Variants in R3HDM2 observed in about 807,000 individuals in gnomAD.
R3HDM2 encodes the protein R3H domain-containing protein 2.
A neutral mutation model predicts 124.5 loss-of-function variants in R3HDM2; 38 were observed. The ratio of observed to expected loss-of-function variants is 0.31; its 90% confidence interval spans 0.24 to 0.40. The LOEUF is 0.40. R3HDM2 is among the 10% of genes least tolerant of loss of function. The pLI is 1.00. For missense variants in R3HDM2, 869 were observed against 1,236.9 expected, an observed-to-expected ratio of 0.70 and a Z score of 4.46; for synonymous variants, 391 against 448.0, an observed-to-expected ratio of 0.87 and a Z score of 1.61.
intron 1 of R3HDM2, among the ~76,000 whole-genome samples, chr12:57,413,514 T>C (rs1173295074): frequency 6.7e-6 from 1 of 149,436 alleles, no homozygotes; most frequent in East Asian, 2.0e-4. Context: ...GGCGGGCAGA[T>C]CGCTTGAAGT....
chr12:57,292,527 A>C, intron 11 of R3HDM2, 45 bp downstream of exon 11: 1 of 1,313,526 alleles, frequency 7.6e-7, no homozygotes, highest in Non-Finnish European at 1.1e-6. Context: ...CCAATGATTA[A>C]GAGCTAAAAG....
intron 14 of R3HDM2, among the ~76,000 whole-genome samples, chr12:57,278,184 C>T (rs377444035): frequency 1.1e-4 from 16 of 152,214 alleles, no homozygotes; most frequent in African/African-American, 3.6e-4. Context: ...TGTTCCTTTA[C>T]CCCCGAGCTA....
chr12:57,255,454 T>C (rs1201900899), intron 23 of R3HDM2, among the ~76,000 whole-genome samples: 2 of 152,226 alleles, frequency 1.3e-5, no homozygotes, highest in African/African-American at 4.8e-5. Context: ...TAATGTTCTT[T>C]AACAATAATG....
chr12:57,392,059 A>T (rs908788754), intron 2 of R3HDM2, among the ~76,000 whole-genome samples: 3 of 152,224 alleles, frequency 2.0e-5, no homozygotes, highest in Non-Finnish European at 4.4e-5. Flanking sequence ...GCAATTTGGG[A>T]GGCCAAGGCA....
Position 57,295,381 on chromosome 12 carries a change from C to T in R3HDM2, c.810+18G>A. 6.6e-7 allele frequency: 1 copy of T among 1,515,362 alleles called. No individual in the cohort carries two copies. Among genetic ancestry groups the T allele is most frequent in the Non-Finnish European group, 9.0e-7 (1 of 1,115,126 alleles). 93.9% of individuals were successfully genotyped at this position (1,515,362 alleles called of 1,614,324 possible). On this transcript the variant is annotated intron_variant, in intron 10 of 23. Coordinates refer to ENST00000402412, the MANE Select transcript of R3HDM2 (RefSeq NM_001394031.1). ...ACTGCAAACTCTCTATATAGGCCCA[C>T]CCCTTTCCATTCTTCACCTGGTTAT...
intron 1 of R3HDM2, among the ~76,000 whole-genome samples, chr12:57,423,154 G>A (rs2070370027): frequency 6.6e-6 from 1 of 151,284 alleles, no homozygotes; most frequent in Non-Finnish European, 1.5e-5. Context: ...GGGCGCGGTG[G>A]CTCATGCCTG....
intron 2 of R3HDM2, among the ~76,000 whole-genome samples, chr12:57,313,563 CAAAA>C (rs11306097): frequency 1.4e-5 from 2 of 142,760 alleles, no homozygotes. Flanking sequence ...GACCTTGTCT[CAAAA>C]AAAAAAAAAA....
intron 2 of R3HDM2, among the ~76,000 whole-genome samples, chr12:57,370,217 A>T (rs1280006391): frequency 6.6e-6 from 1 of 152,110 alleles, no homozygotes; most frequent in Non-Finnish European, 1.5e-5. Context: ...GATGGTTTTA[A>T]TACATAAGCG....
intron 1 of R3HDM2, among the ~76,000 whole-genome samples, chr12:57,419,987 C>T (rs1299314619): frequency 6.6e-6 from 1 of 152,100 alleles, no homozygotes; most frequent in Non-Finnish European, 1.5e-5. Context: ...AAGTCTCCTA[C>T]ATCACAAGTA....
intron 13 of R3HDM2, among the ~76,000 whole-genome samples, chr12:57,283,603 G>A (rs2046670785): frequency 6.6e-6 from 1 of 152,122 alleles, no homozygotes; most frequent in Non-Finnish European, 1.5e-5. Flanking sequence ...GTCAGGTGTG[G>A]TGGCGCATGC....
intron 2 of R3HDM2, among the ~76,000 whole-genome samples, chr12:57,382,696 C>T (rs746048788): frequency 2.2e-4 from 33 of 151,376 alleles, no homozygotes; most frequent in Non-Finnish European, 4.1e-4. Flanking sequence ...ATTAGCCAGG[C>T]GTGGTGGCAG....
intron 11 of R3HDM2, among the ~76,000 whole-genome samples, chr12:57,292,158 A>C (rs187423765): frequency 6.6e-6 from 1 of 152,312 alleles, no homozygotes; most frequent in Admixed American, 6.5e-5. Context: ...AAACAAGATG[A>C]ATGTACAGCC....
At chr12:57,386,635 T>G (rs1363113875) in intron 2 of R3HDM2, among the ~76,000 whole-genome samples, 1 of 152,168 alleles carries the variant, frequency 6.6e-6, no homozygotes, top group Non-Finnish European at 1.5e-5. Context: ...ACGGACAGCC[T>G]AAGGGCTGAG....
intron 1 of R3HDM2, among the ~76,000 whole-genome samples, chr12:57,415,937 A>G (rs956472274): frequency 1.3e-5 from 2 of 152,206 alleles, no homozygotes; most frequent in Admixed American, 1.3e-4. Flanking sequence ...AATGCAACAC[A>G]TGTTCCTTGA....
chr12:57,256,969 C>T (rs1340891169), intron 21 of R3HDM2, among the ~76,000 whole-genome samples: 1 of 152,116 alleles, frequency 6.6e-6, no homozygotes, highest in Admixed American at 6.6e-5. Flanking sequence ...GCATGTGCCA[C>T]CACGCCTGGC....
At chr12:57,338,601 A>G (rs989995556) in intron 2 of R3HDM2, among the ~76,000 whole-genome samples, 1 of 152,220 alleles carries the variant, frequency 6.6e-6, no homozygotes, top group Admixed American at 6.5e-5. Context: ...CATATAGCCC[A>G]GGCTGGTCTC....
intron 2 of R3HDM2, 26 bp from the exon 3 acceptor site, chr12:57,310,489 C>A: frequency 7.7e-7 from 1 of 1,306,698 alleles, no homozygotes; most frequent in South Asian, 1.9e-5. Flanking sequence ...ATGCATTAAG[C>A]AGGAGGTATG....
chr12:57,298,366 A>G (rs1226457513), intron 6 of R3HDM2, among the ~76,000 whole-genome samples, 198 bp from the exon 7 acceptor site: 1 of 152,208 alleles, frequency 6.6e-6, no homozygotes, highest in Non-Finnish European at 1.5e-5. Flanking sequence ...GACAGAAGAA[A>G]GAATCTGGGC....
At chr12:57,411,460 T>C (rs2068996429) in intron 1 of R3HDM2, among the ~76,000 whole-genome samples, 1 of 152,202 alleles carries the variant, frequency 6.6e-6, no homozygotes, top group Non-Finnish European at 1.5e-5. Flanking sequence ...CATGGCCTAA[T>C]ATGCAGAATT....
Sources: gnomAD v4.1 joint callset for allele counts (sites outside exome capture counted in the v4.1 genomes callset) on GRCh38, gnomAD v4.1.1 for gene constraint, MANE v1.5 for transcripts, NCBI Gene and HGNC (gene_info 2026-07-23, HGNC 2026-07-21) for gene names.